LHFPL6: variants seen among roughly 807,000 people sequenced by gnomAD.
The protein encoded by LHFPL6 is LHFPL tetraspan subfamily member 6.
LHFPL6 carries 9 observed loss-of-function variants against 20.6 expected under a neutral mutation model. That is an observed-to-expected ratio of 0.44 (90% CI 0.26 to 0.76). The LOEUF is 0.76. LHFPL6 is among the 30% of genes least tolerant of loss of function. The pLI is 0.20. For missense variants in LHFPL6, 218 were observed against 253.5 expected (o/e 0.86, Z 0.95); for synonymous variants, 105 against 98.7 (o/e 1.06, Z -0.38).
intron 2 of LHFPL6, among the ~76,000 whole-genome samples, chr13:39,456,656 A>G (rs968393108): frequency 1.3e-5 from 2 of 152,264 alleles, no homozygotes; most frequent in African/African-American, 4.8e-5. Flanking sequence ...GATCAGCTAG[A>G]TATCTGCATG....
chr13:39,590,214 A>C (rs1872556820), intron 2 of LHFPL6, among the ~76,000 whole-genome samples: 1 of 152,196 alleles, frequency 6.6e-6, no homozygotes, highest in African/African-American at 2.4e-5. Context: ...AAACTGAATA[A>C]GTTCTACAGA....
chr13:39,358,585 T>A (rs988038198), intron 3 of LHFPL6, among the ~76,000 whole-genome samples: 2 of 101,672 alleles, frequency 2.0e-5, no homozygotes, highest in African/African-American at 6.0e-5. Flanking sequence ...AGAGAAATGA[T>A]CAACGGAGTA....
At chr13:39,405,860 C>T (rs9576786) in intron 2 of LHFPL6, among the ~76,000 whole-genome samples, 14,178 of 152,098 alleles carry the variant, frequency 0.093, 901 homozygotes, top group East Asian at 0.33. Context: ...AAGATTAGTC[C>T]GAGTTGCTCG....
At chr13:39,357,937 A>G (rs1869771014) in intron 3 of LHFPL6, among the ~76,000 whole-genome samples, 1 of 152,190 alleles carries the variant, frequency 6.6e-6, no homozygotes, top group Non-Finnish European at 1.5e-5. Context: ...CAATATCATT[A>G]AAATAACCAT....
chr13:39,393,645 C>A, intron 2 of LHFPL6, among the ~76,000 whole-genome samples: 1 of 152,138 alleles, frequency 6.6e-6, no homozygotes, highest in East Asian at 1.9e-4. Flanking sequence ...AATTCTGGGC[C>A]AAGGAAGTTG....
intron 2 of LHFPL6, among the ~76,000 whole-genome samples, chr13:39,456,126 A>C (rs1872563158): frequency 6.6e-6 from 1 of 152,248 alleles, no homozygotes; most frequent in African/African-American, 2.4e-5. Flanking sequence ...ATTTGGACTC[A>C]CATCTAGACA....
At chr13:39,482,082 T>C (rs117346695) in intron 2 of LHFPL6, among the ~76,000 whole-genome samples, 14 of 152,268 alleles carry the variant, frequency 9.2e-5, no homozygotes, top group Admixed American at 7.8e-4. Flanking sequence ...GAGGATAGGA[T>C]TGGTGCAAAA....
intron 2 of LHFPL6, among the ~76,000 whole-genome samples, chr13:39,517,524 T>C (rs913899480): frequency 2.6e-5 from 4 of 152,202 alleles, no homozygotes; most frequent in African/African-American, 7.2e-5. Context: ...CCCAAATACA[T>C]GTCTTCAGCC....
intron 2 of LHFPL6, among the ~76,000 whole-genome samples, chr13:39,585,406 T>C (rs563364785): frequency 2.0e-5 from 3 of 152,336 alleles, no homozygotes; most frequent in South Asian, 2.1e-4. Context: ...CGGCCTTCAA[T>C]GCAATTGGCT....
At chr13:39,355,020 T>C (rs542715073) in intron 3 of LHFPL6, among the ~76,000 whole-genome samples, 3 of 149,930 alleles carry the variant, frequency 2.0e-5, no homozygotes, top group Non-Finnish European at 4.4e-5. Context: ...ACAATCTCAC[T>C]AGGGAAGTCA....
chr13:39,594,909 T>C (rs1016155688), intron 2 of LHFPL6, among the ~76,000 whole-genome samples: 1 of 151,992 alleles, frequency 6.6e-6, no homozygotes, highest in Admixed American at 6.6e-5. Flanking sequence ...TAGGTGGGAA[T>C]TGAACAATGA....
At chr13:39,384,632 T>C (rs59657694) in intron 2 of LHFPL6, among the ~76,000 whole-genome samples, 1,612 of 152,346 alleles carry the variant, frequency 0.011, 32 homozygotes, top group African/African-American at 0.037. Flanking sequence ...GAAAATTTTC[T>C]GGAATTTGAA....
At chr13:39,453,357 A>G (rs1345235123) in intron 2 of LHFPL6, among the ~76,000 whole-genome samples, 1 of 152,242 alleles carries the variant, frequency 6.6e-6, no homozygotes, top group East Asian at 1.9e-4. Flanking sequence ...AGCTATATCA[A>G]TGTTAGGCTT....
rs923764497 is a variant in LHFPL6 at position 39,343,112 on chromosome 13, C to A, written c.*824G>T. The A allele has an allele frequency of 3.5e-5, 7 of 202,810 alleles. No homozygotes were observed. Among genetic ancestry groups the A allele is most frequent in the African/African-American group, 1.6e-4 (7 of 43,650 alleles). The allele number at this position is 202,810 out of a possible 1,614,324, so 12.6% of individuals were successfully genotyped here. A position where few individuals can be genotyped will look rare whatever the true frequency, so the allele number is the denominator to read the frequency against. On this transcript the variant is annotated 3_prime_UTR_variant, in exon 4 of 4. Coordinates refer to ENST00000379589, the MANE Select transcript of LHFPL6 (RefSeq NM_005780.3). ...TGGACAGAAAGTTGCCCCTTTTCTT[C>A]ATAAGAATATCATAGCAGAAGCTAC... is the stretch of plus-strand genomic sequence containing the variant.
chr13:39,516,757 G>A (rs1869934123), intron 2 of LHFPL6, among the ~76,000 whole-genome samples: 1 of 140,746 alleles, frequency 7.1e-6, no homozygotes, highest in Non-Finnish European at 1.5e-5. Flanking sequence ...TAAAAATCTT[G>A]ATGAAAATTA....
chr13:39,467,129 G>A (rs1872823160), intron 2 of LHFPL6, among the ~76,000 whole-genome samples: 1 of 152,016 alleles, frequency 6.6e-6, no homozygotes. Flanking sequence ...CATCTTCTTT[G>A]TGTCCCCATC....
At chr13:39,532,010 T>C (rs938040138) in intron 2 of LHFPL6, among the ~76,000 whole-genome samples, 2 of 152,150 alleles carry the variant, frequency 1.3e-5, no homozygotes, top group African/African-American at 4.8e-5. Context: ...AAAAGCCACA[T>C]TTCAGCTGTA....
chr13:39,511,627 TAAC>T (rs1593342895), intron 2 of LHFPL6, among the ~76,000 whole-genome samples: 1 of 152,192 alleles, frequency 6.6e-6, no homozygotes, highest in East Asian at 1.9e-4. Flanking sequence ...AATATACTAT[TAAC>T]AATTACAGAA....
chr13:39,373,272 G>C (rs915622523), intron 3 of LHFPL6, among the ~76,000 whole-genome samples: 4 of 152,164 alleles, frequency 2.6e-5, no homozygotes, highest in Admixed American at 6.5e-5. Flanking sequence ...TCCACAGACT[G>C]GTTTCTCTGC....
Sources: gnomAD v4.1 joint callset for allele counts (sites outside exome capture counted in the v4.1 genomes callset) on GRCh38, gnomAD v4.1.1 for gene constraint, MANE v1.5 for transcripts, NCBI Gene and HGNC (gene_info 2026-07-23, HGNC 2026-07-21) for gene names.